The following MAPT variants were observed in gnomAD, a reference collection of about 807,000 sequenced individuals.
The protein encoded by MAPT is microtubule-associated protein tau.
Under a neutral mutation model 67.9 loss-of-function variants are expected in MAPT, and 34 were observed. The ratio of observed to expected loss-of-function variants is 0.50; its 90% CI spans 0.38 to 0.67. The LOEUF (loss-of-function observed/expected upper bound fraction) is 0.67. MAPT is among the 30% of genes least tolerant of loss of function. The pLI, the probability that MAPT is intolerant of heterozygous loss-of-function variation, is 0.00. For synonymous variants in MAPT, 456 were observed against 464.5 expected, an observed-to-expected ratio of 0.98 and a Z score of 0.23; for missense variants, 881 against 1,115.2, an observed-to-expected ratio of 0.79 and a Z score of 2.99.
chr17:45,907,395 TCA>T (rs2064394328), intron 1 of MAPT, among the ~76,000 whole-genome samples: 1 of 152,186 alleles, frequency 6.6e-6, no homozygotes, highest in South Asian at 2.1e-4. Flanking sequence ...CCCCAGTGCC[TCA>T]CAGTTTCCTT....
At chr17:46,003,101 T>C (rs1000816285) in intron 9 of MAPT, among the ~76,000 whole-genome samples, 2 of 146,866 alleles carry the variant, frequency 1.4e-5, no homozygotes, top group Admixed American at 1.4e-4. Context: ...TTTAAGGGCG[T>C]GTGTGTGTGT....
intron 2 of MAPT, among the ~76,000 whole-genome samples, chr17:45,965,720 CCTT>C (rs2071006979): frequency 9.6e-6 from 1 of 104,206 alleles, no homozygotes; most frequent in South Asian, 2.7e-4. Flanking sequence ...CCAGTCAACT[CCTT>C]CTCAAAAAAA....
At chr17:46,017,322 G>A (rs1179240749) in intron 11 of MAPT, among the ~76,000 whole-genome samples, 2 of 152,108 alleles carry the variant, frequency 1.3e-5, no homozygotes, top group African/African-American at 4.8e-5. Context: ...TTCCCAGGCT[G>A]GAGTGCAGTG....
intron 7 of MAPT, 62 bp downstream of exon 7, chr17:45,990,137 T>G (rs2145747389): frequency 1.3e-6 from 2 of 1,489,080 alleles, no homozygotes; most frequent in Non-Finnish European, 1.9e-6. Flanking sequence ...ATGTGGGGTT[T>G]GTTTATTTGT....
At chr17:45,902,747 C>T (rs1422855972) in intron 1 of MAPT, among the ~76,000 whole-genome samples, 1 of 152,172 alleles carries the variant, frequency 6.6e-6, no homozygotes, top group Non-Finnish European at 1.5e-5. Flanking sequence ...ATATTAACTC[C>T]CCTGAGGAAA....
intron 1 of MAPT, among the ~76,000 whole-genome samples, chr17:45,903,944 A>ATTATATATGT (rs1568133162): frequency 6.6e-5 from 1 of 15,064 alleles, no homozygotes; most frequent in Admixed American, 1.3e-3. Flanking sequence ...ATTTATATAT[A>ATTATATATGT]ATATATATTA....
chr17:45,911,449 G>A (rs972552645), intron 1 of MAPT, among the ~76,000 whole-genome samples: 23 of 152,094 alleles, frequency 1.5e-4, no homozygotes, highest in African/African-American at 5.6e-4. Flanking sequence ...GGGCGATATA[G>A]CGAGAACCTG....
chr17:45,919,017 G>A (rs943795397), intron 1 of MAPT, among the ~76,000 whole-genome samples: 14 of 150,472 alleles, frequency 9.3e-5, no homozygotes, highest in African/African-American at 2.9e-4. Context: ...AGCCAAGATC[G>A]CCCCACTGCA....
At chr17:46,013,764 G>A (rs998136863) in intron 10 of MAPT, among the ~76,000 whole-genome samples, 2 of 152,166 alleles carry the variant, frequency 1.3e-5, no homozygotes, top group East Asian at 1.9e-4. Context: ...TTGAGGCCCA[G>A]CAGATACCCC....
intron 9 of MAPT, among the ~76,000 whole-genome samples, chr17:46,000,496 G>A (rs1409811282): frequency 6.6e-6 from 1 of 152,194 alleles, no homozygotes; most frequent in South Asian, 2.1e-4. Context: ...AGGCCCCGCC[G>A]ATCTTGTGGG....
intron 1 of MAPT, among the ~76,000 whole-genome samples, chr17:45,941,701 G>GCCTTCCTTCCCTCCTTCCTTCCTTCCTT (rs1555690435): frequency 2.7e-5 from 2 of 73,540 alleles, no homozygotes; most frequent in South Asian, 6.2e-4. Flanking sequence ...CTTCCTTCCT[G>GCCTTCCTTCCCTCCTTCCTTCCTTCCTT]CCTGCCTTCC....
At chr17:45,978,034 A>C (rs751753804) in intron 3 of MAPT, 1 of 331,336 alleles carries the variant, frequency 3.0e-6, no homozygotes, top group Non-Finnish European at 5.7e-6. Flanking sequence ...CTCCACAACC[A>C]TGGCTCAGCA....
rs985004445 is a variant in MAPT at position 45,915,451 on chromosome 17, AGT to A, written c.-18+20770_-18+20771del. Among the ~76,000 whole-genome samples the A allele has an allele frequency of 3.6e-5, 4 of 112,414 alleles. No homozygotes were observed. Among genetic ancestry groups the A allele is most frequent in the Non-Finnish European group, 6.7e-5 (3 of 44,754 alleles). 73.7% of individuals were successfully genotyped at this position (112,414 alleles called of 152,430 possible). On this transcript the variant is annotated intron_variant, in intron 1 of 12. Coordinates refer to ENST00000262410, the MANE Select transcript of MAPT (RefSeq NM_001377265.1). This position sits in a 1 kb window ranked among gnomAD's most constrained non-coding sequence, Gnocchi z 4.4. The stretch of plus-strand genomic sequence containing the variant: ...TGTGTGTGGTGTGTAAGCATGTGTG[AGT>A]GTGTATGTTTGAGCATGTGTGGTGT...
chr17:46,007,774 T>C (rs1197877555), intron 9 of MAPT, among the ~76,000 whole-genome samples: 3 of 152,150 alleles, frequency 2.0e-5, no homozygotes, highest in African/African-American at 7.2e-5. Context: ...ATGTGGAGAG[T>C]TGTACCGAGA....
intron 9 of MAPT, among the ~76,000 whole-genome samples, chr17:46,008,636 G>T (rs1465196686): frequency 1.3e-5 from 2 of 152,110 alleles, no homozygotes; most frequent in Admixed American, 6.6e-5. Context: ...ATGAAGAAAT[G>T]AGTTAGATAT....
intron 1 of MAPT, among the ~76,000 whole-genome samples, chr17:45,903,920 T>TATATTATATATTC (rs1568132907): frequency 2.0e-3 from 41 of 20,344 alleles, no homozygotes; most frequent in African/African-American, 8.2e-3. Flanking sequence ...ATTATATATT[T>TATATTATATATTC]ATATATATTA....
At chr17:45,939,960 C>G (rs917697278) in intron 1 of MAPT, among the ~76,000 whole-genome samples, 1 of 152,156 alleles carries the variant, frequency 6.6e-6, no homozygotes, top group Non-Finnish European at 1.5e-5. Flanking sequence ...TTTTGCTCAT[C>G]GTTTGTGTAG....
chr17:45,979,401 G>A (rs1981997), intron 4 of MAPT: 22,015 of 152,232 alleles, frequency 0.14, 2,147 homozygotes, highest in Non-Finnish European at 0.22. Context: ...TTTCTCCCGA[G>A]TGATGGGATC....
intron 9 of MAPT, among the ~76,000 whole-genome samples, chr17:46,001,296 T>G (rs2074978250): frequency 6.7e-6 from 1 of 149,966 alleles, no homozygotes. Flanking sequence ...TTTCATAGTT[T>G]TAAATACTTT....
Sources: gnomAD v4.1 joint callset for allele counts (sites outside exome capture counted in the v4.1 genomes callset) on GRCh38, gnomAD v4.1.1 for gene constraint, Gnocchi (gnomAD v3.1) non-coding constraint, MANE v1.5 for transcripts, NCBI Gene and HGNC (gene_info 2026-07-23, HGNC 2026-07-21) for gene names.